The following CACNB2 variants were observed in gnomAD, a reference collection of about 807,000 sequenced individuals.
The protein encoded by CACNB2 is calcium voltage-gated channel auxiliary subunit beta 2, also known as voltage-dependent L-type calcium channel subunit beta-2.
CACNB2 carries 42 observed loss-of-function variants against 73.3 expected under a neutral mutation model. The observed-to-expected ratio is 0.57, with a 90% CI of 0.45 to 0.74. The LOEUF is 0.74. CACNB2 is among the 30% of genes least tolerant of loss of function. The probability of loss-of-function intolerance (pLI) is 0.00; values close to 1 mark genes in which losing one functional copy is unlikely to be tolerated. For missense variants in CACNB2, 940 were observed against 853.0 expected, an observed-to-expected ratio of 1.10 and a Z score of -1.27; for synonymous variants, 348 against 310.3, an observed-to-expected ratio of 1.12 and a Z score of -1.28.
rs954098945 is a variant in CACNB2 at position 18,461,798 on chromosome 10, A to G, written c.334-36557A>G. Among the ~76,000 whole-genome samples the G allele has an allele frequency of 6.5e-5, 7 of 107,818 alleles. No homozygotes were observed. In the South Asian group the frequency reaches 1.4e-3, roughly 22 times the overall value. 70.7% of individuals were successfully genotyped at this position (107,818 alleles called of 152,430 possible). ...TTTTTTTTTTTTTTGGCGTTGTACC[A>G]TCACCCAACTCTGCAACTCCTCGAA... On this transcript the variant is annotated intron_variant, in intron 3 of 13. Coordinates refer to ENST00000324631, the MANE Select transcript of CACNB2 (RefSeq NM_201596.3).
chr10:18,332,981 G>A (rs779310367), intron 2 of CACNB2, among the ~76,000 whole-genome samples: 1 of 152,064 alleles, frequency 6.6e-6, no homozygotes, highest in Non-Finnish European at 1.5e-5. Flanking sequence ...CAGATCTATG[G>A]GGTTGGGGAG....
chr10:18,254,626 A>G (rs2131567310), intron 2 of CACNB2, among the ~76,000 whole-genome samples: 1 of 152,328 alleles, frequency 6.6e-6, no homozygotes. Context: ...AATTAGAGAA[A>G]GGTTTTCAGT....
chr10:18,481,340 G>T (rs1247691957), intron 3 of CACNB2, among the ~76,000 whole-genome samples: 2 of 136,496 alleles, frequency 1.5e-5, no homozygotes, highest in African/African-American at 5.6e-5. Context: ...TCTGCCTCCT[G>T]GCTTCAAGTG....
At chr10:18,399,773 GACT>G (rs112637895) in intron 2 of CACNB2, among the ~76,000 whole-genome samples, 29 of 152,054 alleles carry the variant, frequency 1.9e-4, no homozygotes, top group African/African-American at 6.5e-4. Flanking sequence ...ATGCAGTTTA[GACT>G]ACAATGAGAG....
intron 1 of CACNB2, among the ~76,000 whole-genome samples, chr10:18,143,173 C>A (rs190724739): frequency 6.6e-6 from 1 of 152,232 alleles, no homozygotes; most frequent in African/African-American, 2.4e-5. Context: ...GTGTATTGAG[C>A]GACAGGGAAC....
intron 3 of CACNB2, 25 bp downstream of exon 3, chr10:18,402,068 G>T: frequency 1.9e-6 from 3 of 1,611,810 alleles, no homozygotes; most frequent in East Asian, 2.2e-5. Context: ...TCCCTGCCAA[G>T]ATCTTTGCAA....
intron 1 of CACNB2, among the ~76,000 whole-genome samples, chr10:18,143,994 G>T (rs772176235): frequency 6.6e-6 from 1 of 152,032 alleles, no homozygotes; most frequent in African/African-American, 2.4e-5. Context: ...GATACATTCC[G>T]GTCCCTTTGC....
intron 2 of CACNB2, among the ~76,000 whole-genome samples, chr10:18,247,188 T>C (rs919968503): frequency 6.6e-6 from 1 of 152,186 alleles, no homozygotes; most frequent in African/African-American, 2.4e-5. Context: ...AACCTCTGTG[T>C]GCCATAGCCT....
chr10:18,533,601 T>C (rs2053276614), intron 10 of CACNB2, among the ~76,000 whole-genome samples: 1 of 152,206 alleles, frequency 6.6e-6, no homozygotes, highest in African/African-American at 2.4e-5. Flanking sequence ...TGCTGTTTTA[T>C]TTTGTATTTC....
chr10:18,356,111 C>T (rs1279461339), intron 2 of CACNB2, among the ~76,000 whole-genome samples: 2 of 152,176 alleles, frequency 1.3e-5, no homozygotes, highest in African/African-American at 4.8e-5. Context: ...GCCCACTGCC[C>T]CATGCATTGA....
intron 10 of CACNB2, 74 bp from the exon 11 acceptor site, chr10:18,534,002 T>G (rs950941484): frequency 6.2e-6 from 9 of 1,453,690 alleles, no homozygotes; most frequent in African/African-American, 1.4e-5. Flanking sequence ...CACCTTTCTG[T>G]TGAAGAAACA....
chr10:18,364,511 G>T (rs1318595240), intron 2 of CACNB2, among the ~76,000 whole-genome samples: 1 of 151,578 alleles, frequency 6.6e-6, no homozygotes, highest in Non-Finnish European at 1.5e-5. Flanking sequence ...TGTTAGCCAG[G>T]CTGGTCTCGA....
At chr10:18,515,103 C>A in intron 7 of CACNB2, 2 of 1,296,500 alleles carry the variant, frequency 1.5e-6, no homozygotes, top group South Asian at 1.2e-5. Flanking sequence ...CTCCATCAGT[C>A]AGATTTTACC....
chr10:18,186,283 G>T (rs1190916107), intron 2 of CACNB2, among the ~76,000 whole-genome samples: 5 of 152,040 alleles, frequency 3.3e-5, no homozygotes, highest in Non-Finnish European at 7.4e-5. Flanking sequence ...GCTGGGCGTG[G>T]TGGTGCATGC....
intron 3 of CACNB2, among the ~76,000 whole-genome samples, chr10:18,407,110 T>TC (rs1491298298): frequency 2.9e-5 from 1 of 34,310 alleles, no homozygotes; most frequent in South Asian, 1.2e-3. Context: ...CTGTTCTGTC[T>TC]TTTTTTTTTT....
intron 2 of CACNB2, among the ~76,000 whole-genome samples, chr10:18,294,657 G>A (rs1457944269): frequency 6.6e-6 from 1 of 152,222 alleles, no homozygotes; most frequent in Admixed American, 6.5e-5. Flanking sequence ...AGGTAACAGA[G>A]TCAGCCACGG....
chr10:18,146,508 C>T (rs1483853355), intron 1 of CACNB2, among the ~76,000 whole-genome samples: 4 of 151,662 alleles, frequency 2.6e-5, no homozygotes, highest in South Asian at 4.2e-4. Context: ...GACAGAATCT[C>T]GCTCTGTCAC....
intron 3 of CACNB2, among the ~76,000 whole-genome samples, chr10:18,453,863 G>A (rs1001908355): frequency 3.3e-5 from 5 of 152,090 alleles, no homozygotes; most frequent in Non-Finnish European, 2.9e-5. Flanking sequence ...TCAAACTTCT[G>A]ACCTCAGGTC....
intron 2 of CACNB2, among the ~76,000 whole-genome samples, chr10:18,219,733 T>G (rs555083248): frequency 6.6e-6 from 1 of 151,940 alleles, no homozygotes. Flanking sequence ...GTTATTCATC[T>G]TATCTCTGGC....
Sources: gnomAD v4.1 joint callset for allele counts (sites outside exome capture counted in the v4.1 genomes callset) on GRCh38, gnomAD v4.1.1 for gene constraint, MANE v1.5 for transcripts, NCBI Gene and HGNC (gene_info 2026-07-23, HGNC 2026-07-21) for gene names.